Variants in ELOC observed in about 807,000 individuals in gnomAD.
The protein encoded by ELOC is elongin C.
For missense variants in ELOC, 38 were observed against 139.0 expected (o/e 0.27, Z 3.65); for synonymous variants, 40 against 51.3 (o/e 0.78, Z 0.94).
chr8:73,953,407 T>A (rs1186151241), intron 3 of ELOC, among the ~76,000 whole-genome samples: 1 of 152,100 alleles, frequency 6.6e-6, no homozygotes, highest in East Asian at 1.9e-4. Context: ...CCAGGCACAG[T>A]GGCTCACGCT....
chr8:73,959,753 T>A lies in ELOC; in HGVS notation c.4+12A>T, dbSNP rs993327257. 2 of 1,563,626 alleles carry A rather than the reference T, an allele frequency of 1.3e-6. No homozygotes were observed. Among genetic ancestry groups the A allele is most frequent in the South Asian group, 1.2e-5 (1 of 82,120 alleles). On this transcript the variant is annotated intron_variant, in intron 2 of 3. Coordinates refer to ENST00000520242, the MANE Select transcript of ELOC (RefSeq NM_005648.4). ...ACTAGTTAAAACACAAAATTAATTA[T>A]CTTTAGCTTACCCATTTTGTTCTTA... is the stretch of plus-strand genomic sequence containing the variant.
chr8:73,953,074 G>T (rs1215812108), intron 3 of ELOC, among the ~76,000 whole-genome samples: 5 of 152,138 alleles, frequency 3.3e-5, no homozygotes, highest in African/African-American at 1.2e-4. Flanking sequence ...CGAGGCCGAG[G>T]TGGGCTGATC....
intron 2 of ELOC, among the ~76,000 whole-genome samples, chr8:73,958,580 TAC>T (rs1482474443): frequency 4.6e-5 from 7 of 152,282 alleles, no homozygotes; most frequent in Middle Eastern, 6.8e-3. Context: ...GCTTCTAAAT[TAC>T]AGACTATTCA....
intron 1 of ELOC, among the ~76,000 whole-genome samples, chr8:73,966,502 T>C (rs1053504571): frequency 1.3e-5 from 2 of 148,838 alleles, no homozygotes; most frequent in African/African-American, 2.5e-5. Flanking sequence ...TTTTTTTTTT[T>C]TGAGACAAGT....
chr8:73,962,993 TCA>T (rs1436283393), intron 1 of ELOC, among the ~76,000 whole-genome samples: 1 of 152,196 alleles, frequency 6.6e-6, no homozygotes, highest in Non-Finnish European at 1.5e-5. Flanking sequence ...ATGTATTCCA[TCA>T]CAGAGCTGAA....
chr8:73,960,420 G>GT (rs1165763879), intron 1 of ELOC, among the ~76,000 whole-genome samples: 2 of 152,132 alleles, frequency 1.3e-5, no homozygotes, highest in Non-Finnish European at 2.9e-5. Flanking sequence ...TGTTAACCAG[G>GT]TAACTCATAA....
chr8:73,955,646 C>T (rs2131111114), intron 3 of ELOC: 1 of 401,730 alleles, frequency 2.5e-6, no homozygotes, highest in Non-Finnish European at 4.5e-6. Context: ...GTGGTACACA[C>T]CTGTAATTCC....
intron 2 of ELOC, among the ~76,000 whole-genome samples, chr8:73,959,003 T>C (rs1814402532): frequency 6.6e-6 from 1 of 152,146 alleles, no homozygotes; most frequent in Non-Finnish European, 1.5e-5. Flanking sequence ...TAAGCAACTG[T>C]AACATGAGGG....
chr8:73,952,221 C>T (rs545905814), intron 3 of ELOC, among the ~76,000 whole-genome samples: 14 of 151,788 alleles, frequency 9.2e-5, no homozygotes, highest in Non-Finnish European at 1.3e-4. Context: ...CTGGCCAACA[C>T]GGTGAAACTC....
At chr8:73,957,827 G>A (rs1586606028) in intron 2 of ELOC, among the ~76,000 whole-genome samples, 1 of 152,010 alleles carries the variant, frequency 6.6e-6, no homozygotes, top group East Asian at 1.9e-4. Context: ...CTTTTGTTGT[G>A]GAGTACAGTG....
intron 1 of ELOC, among the ~76,000 whole-genome samples, chr8:73,960,493 T>C (rs76203594): frequency 0.065 from 9,944 of 152,240 alleles, 483 homozygotes; most frequent in Admixed American, 0.16. Context: ...AGGTGCCTTT[T>C]TTGATATCAA....
intron 1 of ELOC, among the ~76,000 whole-genome samples, chr8:73,966,453 G>A (rs963806835): frequency 2.0e-5 from 3 of 151,128 alleles, no homozygotes; most frequent in Non-Finnish European, 4.4e-5. Flanking sequence ...TGACACATAA[G>A]GAACACATAC....
intron 1 of ELOC, among the ~76,000 whole-genome samples, chr8:73,962,085 G>A (rs1396658458): frequency 2.0e-5 from 3 of 148,750 alleles, no homozygotes; most frequent in East Asian, 2.1e-4. Flanking sequence ...CAGTAGAGAC[G>A]GGGTTTCACC....
At chr8:73,970,476 T>A (rs917096071) in intron 1 of ELOC, 4 of 152,172 alleles carry the variant, frequency 2.6e-5, no homozygotes, top group Non-Finnish European at 5.9e-5. Flanking sequence ...ATGGTAGTTA[T>A]CAAATTTCAT....
At chr8:73,955,067 T>C (rs1249944433) in intron 3 of ELOC, among the ~76,000 whole-genome samples, 1 of 145,254 alleles carries the variant, frequency 6.9e-6, no homozygotes, top group Non-Finnish European at 1.5e-5. Context: ...AGGCTGACTA[T>C]GGAACCTAAT....
chr8:73,971,032 C>CAATAAAAAAAAAA, intron 1 of ELOC, among the ~76,000 whole-genome samples: 1 of 62,036 alleles, frequency 1.6e-5, no homozygotes, highest in East Asian at 3.9e-4. Flanking sequence ...GACTCCGTCT[C>CAATAAAAAAAAAA]AAAAAAAAAA....
At chr8:73,959,286 G>T (rs907538148) in intron 2 of ELOC, among the ~76,000 whole-genome samples, 1 of 152,090 alleles carries the variant, frequency 6.6e-6, no homozygotes, top group African/African-American at 2.4e-5. Flanking sequence ...GCTTATTTCT[G>T]CCTCGAACTC....
At chr8:73,947,907 T>C (rs1309901193) in intron 3 of ELOC, among the ~76,000 whole-genome samples, 1 of 151,976 alleles carries the variant, frequency 6.6e-6, no homozygotes, top group Non-Finnish European at 1.5e-5. Context: ...AAAATAGTAC[T>C]TGAGGGCCGG....
chr8:73,963,445 T>C lies in ELOC; in HGVS notation c.-50-3627A>G, dbSNP rs146212113. On this transcript the variant is annotated intron_variant, in intron 1 of 3. Transcript: ENST00000520242. ...AAGTTTCCATTATGAATGGGGTCTG[T>C]TTTACTATGATATTTTCTGAAAGGC... 2.2e-3 allele frequency among the ~76,000 whole-genome samples: 342 copies of C among 152,328 alleles called. 1 individual carries two copies. Among genetic ancestry groups the C allele is most frequent in the Non-Finnish European group, 3.8e-3 (259 of 68,036 alleles).
Sources: gnomAD v4.1 joint callset for allele counts (sites outside exome capture counted in the v4.1 genomes callset) on GRCh38, gnomAD v4.1.1 for gene constraint, MANE v1.5 for transcripts, NCBI Gene and HGNC (gene_info 2026-07-23, HGNC 2026-07-21) for gene names.